The following CADPS variants were observed in gnomAD, a reference collection of about 807,000 sequenced individuals.
CADPS encodes calcium dependent secretion activator, also known as calcium-dependent secretion activator 1.
A neutral mutation model predicts 167.3 loss-of-function variants in CADPS; 57 were observed. The observed-to-expected ratio is 0.34, with a 90% CI of 0.28 to 0.42. The LOEUF (loss-of-function observed/expected upper bound fraction) is 0.42, where lower values mean the gene tolerates loss of function less well. CADPS is among the 20% of genes least tolerant of loss of function. The pLI, the probability that CADPS is intolerant of heterozygous loss-of-function variation, is 1.00. For synonymous variants in CADPS, 676 were observed against 635.3 expected (o/e 1.06, Z -0.96); for missense variants, 1,414 against 1,738.1 (o/e 0.81, Z 3.32).
rs542131371 is a variant in CADPS, at chr3:62,748,671, C to T, written c.888+4770G>A. Among the ~76,000 whole-genome samples the T allele has an allele frequency of 2.0e-4, 31 of 152,272 alleles. No individual in the cohort carries two copies. In the South Asian group the frequency reaches 5.6e-3, roughly 28 times the overall value. On this transcript the variant is annotated intron_variant, in intron 3 of 29. Coordinates refer to ENST00000383710, the MANE Select transcript of CADPS (RefSeq NM_003716.4). ...ATGGAAAGCAGGTCTGTCTTAGCCT[C>T]ATTTCTCAGATAATAAAACCTATTC...
intron 9 of CADPS, among the ~76,000 whole-genome samples, chr3:62,564,980 A>G (rs1455349311): frequency 6.6e-6 from 1 of 152,190 alleles, no homozygotes; most frequent in Non-Finnish European, 1.5e-5. Context: ...TTCTAACCTG[A>G]TATGGGTGAT....
In CADPS at chr3:62,481,804, A is replaced by G; in HGVS notation, c.3092T>C (p.Leu1031Pro). 6.2e-7 allele frequency: 1 copy of G among 1,611,984 alleles called. No individual in the cohort carries two copies. ...GATGCCTAGAGGGATGTTAACTGGTAGATTTGGTACTTTGGGAAGGTTCAC... is the reference window on the plus strand; with the variant it reads ...GATGCCTAGAGGGATGTTAACTGGTGGATTTGGTACTTTGGGAAGGTTCAC... ...PNVNLPKVPN[L>P]PVNIPLGIPQ... Residue 1031 changes from leucine to proline, a missense_variant, in exon 22 of 30, where the codon CTA (leucine) becomes CCA (proline). This residue lies in a region of CADPS where 529 missense variants were observed against 629.6 expected (regional missense o/e 0.84). Coordinates refer to ENST00000383710, the MANE Select transcript of CADPS (RefSeq NM_003716.4).
At chr3:62,812,948 G>A (rs780025922) in intron 1 of CADPS, among the ~76,000 whole-genome samples, 2 of 152,082 alleles carry the variant, frequency 1.3e-5, no homozygotes, top group Non-Finnish European at 2.9e-5. Flanking sequence ...CACAGGAGTA[G>A]AAGGGCACTG....
intron 26 of CADPS, among the ~76,000 whole-genome samples, chr3:62,460,192 A>C (rs2059163391): frequency 6.6e-6 from 1 of 152,228 alleles, no homozygotes. Context: ...GCATAGACTG[A>C]TTGTGAGGAT....
intron 13 of CADPS, chr3:62,530,794 G>A (rs1561739807): frequency 7.8e-7 from 1 of 1,278,964 alleles, no homozygotes; most frequent in Non-Finnish European, 1.0e-6. Context: ...GCCCACTAAG[G>A]TACACATGCA....
intron 1 of CADPS, among the ~76,000 whole-genome samples, chr3:62,824,803 C>G (rs2073734887): frequency 6.6e-6 from 1 of 152,132 alleles, no homozygotes; most frequent in South Asian, 2.1e-4. Context: ...ATTTGCCTCT[C>G]TAATGAGAGG....
chr3:62,559,190 G>A (rs1030804429), intron 9 of CADPS, among the ~76,000 whole-genome samples: 2 of 152,142 alleles, frequency 1.3e-5, no homozygotes, highest in African/African-American at 4.8e-5. Context: ...AGCTTAATAG[G>A]TGGATTTACC....
intron 3 of CADPS, among the ~76,000 whole-genome samples, chr3:62,666,939 G>A (rs1179275738): frequency 1.3e-5 from 2 of 152,044 alleles, no homozygotes; most frequent in African/African-American, 4.8e-5. Context: ...CATCTGCAGA[G>A]TGGACATCAT....
chr3:62,766,911 C>T (rs544421083), intron 1 of CADPS, among the ~76,000 whole-genome samples: 7 of 152,202 alleles, frequency 4.6e-5, no homozygotes, highest in South Asian at 2.1e-4. Flanking sequence ...TTGTTACATG[C>T]GGTGTCTTTT....
In CADPS at chr3:62,844,551, A is replaced by G. The variant is rs79027429; in HGVS notation, c.441+30038T>C. Among the ~76,000 whole-genome samples the G allele has an allele frequency of 8.0e-3, 1,222 of 152,328 alleles. 27 individuals carry two copies. The highest frequency in any genetic ancestry group is 0.063 in the South Asian group (305 of 4,830). ...ATGAATGCCTGTGAAAGCCAAGGAC[A>G]CACAACATCCAAGCTTGGTGAGGAA... On this transcript the variant is annotated intron_variant, in intron 1 of 29. Coordinates refer to ENST00000383710, the MANE Select transcript of CADPS (RefSeq NM_003716.4).
chr3:62,860,563 T>A (rs930469232), intron 1 of CADPS, among the ~76,000 whole-genome samples: 1 of 152,132 alleles, frequency 6.6e-6, no homozygotes. Flanking sequence ...ATATTTTCAA[T>A]CCTTGGACTT....
intron 3 of CADPS, among the ~76,000 whole-genome samples, chr3:62,703,915 T>C (rs1580778056): frequency 6.6e-6 from 1 of 152,268 alleles, no homozygotes; most frequent in African/African-American, 2.4e-5. Flanking sequence ...AGTTCCCTCA[T>C]CTGTAATAGG....
At chr3:62,642,834 C>A (rs1295029938) in intron 6 of CADPS, among the ~76,000 whole-genome samples, 2 of 152,166 alleles carry the variant, frequency 1.3e-5, no homozygotes. Context: ...CACCTGAGCC[C>A]AGGTTGGCCA....
intron 13 of CADPS, among the ~76,000 whole-genome samples, chr3:62,522,135 A>ATCTC (rs1406617422): frequency 6.6e-6 from 1 of 151,490 alleles, no homozygotes; most frequent in Non-Finnish European, 1.5e-5. Flanking sequence ...CTATCTATCT[A>ATCTC]TCTATCTATC....
intron 26 of CADPS, among the ~76,000 whole-genome samples, chr3:62,449,461 T>C (rs1055794915): frequency 6.6e-5 from 10 of 152,200 alleles, no homozygotes; most frequent in Non-Finnish European, 1.3e-4. Flanking sequence ...CTGTACAATG[T>C]CAGCAGTGCT....
intron 21 of CADPS, among the ~76,000 whole-genome samples, chr3:62,490,375 C>G (rs2063506454): frequency 6.6e-6 from 1 of 152,158 alleles, no homozygotes; most frequent in African/African-American, 2.4e-5. Context: ...TGGAGCTTTT[C>G]AAACCATCAA....
At chr3:62,703,877 T>G (rs2081878734) in intron 3 of CADPS, among the ~76,000 whole-genome samples, 1 of 152,152 alleles carries the variant, frequency 6.6e-6, no homozygotes, top group African/African-American at 2.4e-5. Flanking sequence ...AGTTGACTTA[T>G]CTTCATAGCA....
intron 1 of CADPS, among the ~76,000 whole-genome samples, chr3:62,821,939 C>A (rs1358579887): frequency 6.6e-6 from 1 of 152,156 alleles, no homozygotes; most frequent in East Asian, 1.9e-4. Flanking sequence ...GGAATGAGGT[C>A]TCTGCCTCCT....
At chr3:62,746,417 C>G (rs868037557) in intron 3 of CADPS, among the ~76,000 whole-genome samples, 1 of 152,212 alleles carries the variant, frequency 6.6e-6, no homozygotes, top group Middle Eastern at 3.4e-3. Flanking sequence ...CTCACTTCAG[C>G]CTTCACCTCC....
Sources: gnomAD v4.1 joint callset for allele counts (sites outside exome capture counted in the v4.1 genomes callset) on GRCh38, gnomAD v4.1.1 for gene constraint, gnomAD v4.1.1 regional missense constraint, MANE v1.5 for transcripts, NCBI Gene and HGNC (gene_info 2026-07-23, HGNC 2026-07-21) for gene names.